Variants in WDR70 observed in about 807,000 individuals in gnomAD.
The protein encoded by WDR70 is WD repeat domain 70, also known as WD repeat-containing protein 70.
A neutral mutation model predicts 88.6 loss-of-function variants in WDR70; 53 were observed. That is an observed-to-expected ratio of 0.60 (90% CI 0.48 to 0.75). WDR70 has a LOEUF of 0.75. WDR70 is among the 30% of genes least tolerant of loss of function. The pLI is 0.00. For missense variants in WDR70, 610 were observed against 823.2 expected, an observed-to-expected ratio of 0.74 and a Z score of 3.17; for synonymous variants, 280 against 270.0, an observed-to-expected ratio of 1.04 and a Z score of -0.36.
intron 13 of WDR70, among the ~76,000 whole-genome samples, chr5:37,715,878 A>G (rs1239590522): frequency 6.6e-6 from 1 of 151,414 alleles, no homozygotes; most frequent in Non-Finnish European, 1.5e-5. Context: ...TCACATCTTG[A>G]TCTTCTTTCT....
chr5:37,725,492 A>C (rs919533313), intron 16 of WDR70, among the ~76,000 whole-genome samples: 4 of 152,090 alleles, frequency 2.6e-5, no homozygotes, highest in African/African-American at 9.7e-5. Context: ...ATATCACTAG[A>C]AGATGAATAA....
intron 10 of WDR70, among the ~76,000 whole-genome samples, chr5:37,673,540 T>C (rs1746091212): frequency 1.3e-5 from 2 of 151,010 alleles, no homozygotes; most frequent in African/African-American, 4.9e-5. Context: ...CATTCCTTTT[T>C]CTCTGCAACT....
At chr5:37,569,826 T>C (rs1742849426) in intron 9 of WDR70, among the ~76,000 whole-genome samples, 2 of 152,120 alleles carry the variant, frequency 1.3e-5, no homozygotes, top group Admixed American at 1.3e-4. Context: ...AGAAGTGATA[T>C]ATAATTTTAG....
intron 10 of WDR70, among the ~76,000 whole-genome samples, chr5:37,653,644 G>T (rs1745469508): frequency 6.6e-6 from 1 of 152,016 alleles, no homozygotes; most frequent in South Asian, 2.1e-4. Flanking sequence ...TCAGGAATTC[G>T]ACTTCTTCCT....
At chr5:37,584,002 A>C (rs986381686) in intron 9 of WDR70, among the ~76,000 whole-genome samples, 1 of 152,204 alleles carries the variant, frequency 6.6e-6, no homozygotes, top group Non-Finnish European at 1.5e-5. Context: ...AGACAGGACT[A>C]TGAAATGTGA....
At chr5:37,535,840 C>T (rs1291416053) in intron 9 of WDR70, among the ~76,000 whole-genome samples, 1 of 152,166 alleles carries the variant, frequency 6.6e-6, no homozygotes, top group Non-Finnish European at 1.5e-5. Context: ...TTCCCAAGGA[C>T]ACATAATTCC....
At chr5:37,700,190 C>A (rs1026894654) in intron 11 of WDR70, 1 of 152,034 alleles carries the variant, frequency 6.6e-6, no homozygotes, top group Admixed American at 6.5e-5. Context: ...TTATTGGACC[C>A]AAGGGGTTGA....
At chr5:37,635,189 T>G (rs2112531359) in intron 10 of WDR70, among the ~76,000 whole-genome samples, 1 of 152,300 alleles carries the variant, frequency 6.6e-6, no homozygotes, top group East Asian at 1.9e-4. Context: ...TACTCAACTT[T>G]GGATCAAACT....
chr5:37,595,964 A>G (rs1271929953), intron 9 of WDR70, among the ~76,000 whole-genome samples: 2 of 151,812 alleles, frequency 1.3e-5, no homozygotes, highest in African/African-American at 4.8e-5. Flanking sequence ...GATTTTGAAT[A>G]GCCAGCGCTT....
intron 10 of WDR70, among the ~76,000 whole-genome samples, chr5:37,639,272 G>A (rs1745046449): frequency 6.6e-6 from 1 of 152,196 alleles, no homozygotes; most frequent in East Asian, 1.9e-4. Flanking sequence ...AGCAGTTTTT[G>A]ATTCTTTCCT....
intron 8 of WDR70, chr5:37,505,660 G>C (rs1740537292): frequency 7.4e-6 from 6 of 807,074 alleles, no homozygotes; most frequent in Non-Finnish European, 1.1e-5. Context: ...TTTTCATCTT[G>C]TACATCTTCC....
chr5:37,402,891 C>G (rs1413558743), intron 5 of WDR70, among the ~76,000 whole-genome samples: 2 of 149,616 alleles, frequency 1.3e-5, no homozygotes, highest in Non-Finnish European at 3.0e-5. Flanking sequence ...ATGTAAAATC[C>G]ATCCTTCCTT....
chr5:37,616,261 C>T (rs565508404), intron 10 of WDR70, among the ~76,000 whole-genome samples: 27 of 152,080 alleles, frequency 1.8e-4, no homozygotes, highest in African/African-American at 6.3e-4. Context: ...GGACTACAGT[C>T]GCGCGCCACC....
At chr5:37,624,568 G>C (rs1030705834) in intron 10 of WDR70, among the ~76,000 whole-genome samples, 4 of 152,136 alleles carry the variant, frequency 2.6e-5, no homozygotes, top group African/African-American at 9.7e-5. Flanking sequence ...ATAAGGGAGA[G>C]CTTTCCCTTG....
intron 13 of WDR70, among the ~76,000 whole-genome samples, chr5:37,709,002 C>G (rs1001771855): frequency 2.6e-5 from 4 of 152,188 alleles, no homozygotes; most frequent in African/African-American, 9.7e-5. Flanking sequence ...GCACCTCCTT[C>G]TAAGTTTCTA....
In WDR70 at chr5:37,512,526, A is replaced by G. The variant is rs1261521630; in HGVS notation, c.841-3988A>G. ...GAGCCACCACGCCCAGCCCTCTTCT[A>G]TCTCTTATAAGGACATTTGCTATTG... On this transcript the variant is annotated intron_variant, in intron 8 of 17. Transcript: ENST00000265107. 3.3e-5 allele frequency among the ~76,000 whole-genome samples: 5 copies of G among 151,344 alleles called. No homozygotes were observed. In the East Asian group the frequency reaches 7.9e-4, roughly 24 times the overall value.
chr5:37,466,206 T>C (rs1275383651), intron 7 of WDR70, among the ~76,000 whole-genome samples: 1 of 152,224 alleles, frequency 6.6e-6, no homozygotes, highest in African/African-American at 2.4e-5. Flanking sequence ...CAATGGACTT[T>C]TATAGCTTTC....
At position 37,725,139 on chromosome 5, in the gene WDR70, G is replaced by A. The variant is rs978633180; in HGVS notation, c.1714+89G>A. ...AAAATTGGGAAGGTCTTTTGGGCCT[G>A]GATGCTTCTTTGTCTTCAGAGAGAT... On this transcript the variant is annotated intron_variant, in intron 16 of 17. Transcript: ENST00000265107. The A allele has an allele frequency of 9.5e-6, 10 of 1,056,046 alleles. No homozygotes were observed. In the African/African-American group the frequency reaches 1.6e-4, roughly 17 times the overall value. The allele number at this position is 1,056,046 out of a possible 1,614,324, so 65.4% of individuals were successfully genotyped here.
intron 15 of WDR70, chr5:37,724,548 G>C (rs1747914487): frequency 5.7e-6 from 1 of 176,100 alleles, no homozygotes; most frequent in Non-Finnish European, 1.2e-5. Context: ...GGAAACTTCA[G>C]GGCTGACAGC....
Sources: allele counts gnomAD v4.1 joint callset (sites outside exome capture counted in the v4.1 genomes callset), GRCh38; gene constraint gnomAD v4.1.1; transcripts MANE v1.5; gene names NCBI Gene and HGNC (gene_info 2026-07-23, HGNC 2026-07-21).